Variants in FYB2 observed in about 807,000 individuals in gnomAD.
The protein encoded by FYB2 is FYN-binding protein 2.
FYB2 carries 103 observed loss-of-function variants against 94.1 expected under a neutral mutation model. That is an observed-to-expected ratio of 1.09 (90% CI 0.93 to 1.29). FYB2 has a LOEUF of 1.29. Among genes scored for constraint, FYB2 ranks in the 50% most tolerant of loss-of-function variants. The pLI is 0.00. For missense variants in FYB2, 896 were observed against 841.5 expected (o/e 1.06, Z -0.80); for synonymous variants, 293 against 287.9 (o/e 1.02, Z -0.18).
rs759702067 is a variant in FYB2, at chr1:56,724,646, A to G, written c.1881-965T>C. ...GCTTAAAACCTTTCAATTTCTCTCT[A>G]TTGCCAATAGGATAAAGTCTAAATT... On this transcript the variant is annotated intron_variant, in intron 16 of 19. Transcript: ENST00000343433. 9.9e-5 allele frequency among the ~76,000 whole-genome samples: 15 copies of G among 152,076 alleles called. No individual in the cohort carries two copies. In the South Asian group the frequency reaches 1.7e-3, roughly 17 times the overall value.
At chr1:56,819,638 A>AT, upstream of FYB2, 1 of 450,550 alleles carries the variant, frequency 2.2e-6, no homozygotes, top group Non-Finnish European at 4.1e-6. Context: ...TCTCCAGGGC[A>AT]TTTGTGCCCA....
At chr1:56,768,043 T>C in intron 4 of FYB2, 105 bp from the exon 5 acceptor site, 1 of 800,936 alleles carries the variant, frequency 1.2e-6, no homozygotes, top group South Asian at 1.8e-5. Context: ...GTCTGGCCAA[T>C]ATGGTGACCT....
intron 1 of FYB2, among the ~76,000 whole-genome samples, chr1:56,795,502 G>A (rs138943395): frequency 2.8e-4 from 43 of 152,248 alleles, no homozygotes; most frequent in Admixed American, 5.2e-4. Flanking sequence ...TCCCAGAAGT[G>A]AAATTGCTGG....
chr1:56,743,526 G>A (rs1645003095), intron 11 of FYB2, among the ~76,000 whole-genome samples: 1 of 151,950 alleles, frequency 6.6e-6, no homozygotes, highest in African/African-American at 2.4e-5. Context: ...CGGAAAGGGA[G>A]GGAAAAGCAT....
Position 56,719,495 on chromosome 1 carries a change from A to T in FYB2, c.*176T>A. The T allele has an allele frequency of 1.8e-6, 1 of 566,838 alleles. No individual in the cohort carries two copies. The highest frequency in any genetic ancestry group is 3.0e-6 in the Non-Finnish European group (1 of 327,950). The allele number at this position is 566,838 out of a possible 1,614,324, so 35.1% of individuals were successfully genotyped here. On this transcript the variant is annotated 3_prime_UTR_variant, in exon 20 of 20. Coordinates refer to ENST00000343433, the MANE Select transcript of FYB2 (RefSeq NM_001004303.5). ...AGATAACCTTTTAGGAGTAAAACCAACATCTAAATGTTGAGGATTTGTTTT... is the reference window on the plus strand; with the variant it reads ...AGATAACCTTTTAGGAGTAAAACCATCATCTAAATGTTGAGGATTTGTTTT...
chr1:56,789,047 G>A lies in FYB2; in HGVS notation c.845C>T (p.Pro282Leu). ...GAGGTTCACGATGGGAGGTCTTGAA[G>A]GCTTTGGGGGAGGAGGACCCAGGGA... ...IDSLGPPPPK[P>L]SRPPIVNLQA... Residue 282 changes from proline to leucine, a missense_variant, in exon 3 of 20, where the codon CCT becomes CTT. Transcript: ENST00000343433. 6.2e-7 allele frequency: 1 copy of A among 1,614,102 alleles called. No individual in the cohort carries two copies. The highest frequency in any genetic ancestry group is 8.5e-7 in the Non-Finnish European group (1 of 1,179,968).
Position 56,719,902 on chromosome 1 carries a change from A to C in FYB2, c.2165+120T>G. The C allele has an allele frequency of 2.7e-6, 3 of 1,127,560 alleles. No homozygotes were observed. In the East Asian group the frequency reaches 7.5e-5, roughly 28 times the overall value. 69.8% of individuals were successfully genotyped at this position (1,127,560 alleles called of 1,614,324 possible). On this transcript the variant is annotated intron_variant, in intron 19 of 19. Coordinates refer to ENST00000343433, the MANE Select transcript of FYB2 (RefSeq NM_001004303.5). ...TAATCCTTATAGAATAGGGCACTGC[A>C]TGTCTAATTTTTAAAACTTATCCTG... is the stretch of plus-strand genomic sequence containing the variant.
At chr1:56,738,103 T>A (rs1644870613) in intron 14 of FYB2, among the ~76,000 whole-genome samples, 1 of 152,132 alleles carries the variant, frequency 6.6e-6, no homozygotes, top group Non-Finnish European at 1.5e-5. Context: ...ATTGACAGCC[T>A]ACTATGTGTC....
intron 5 of FYB2, 69 bp downstream of exon 5, chr1:56,767,760 G>T: frequency 8.2e-7 from 1 of 1,214,530 alleles, no homozygotes; most frequent in Non-Finnish European, 1.2e-6. Context: ...TAGCTAAAGG[G>T]AAAATATCAT....
Position 56,792,244 on chromosome 1 carries a change from C to T in FYB2, c.569G>A (p.Gly190Glu), listed in dbSNP as rs1321251035. Reference sequence around the variant, plus strand: ...CTTCTGGGAAGGAAGAGTCTGGGCTCCTTTTGTTTCCAGCTTTTTCCTGGG... The same window carrying T: ...CTTCTGGGAAGGAAGAGTCTGGGCTTCTTTTGTTTCCAGCTTTTTCCTGGG... ...EEPRKKLETK[G>E]AQTLPSQKHV... Residue 190 changes from glycine (G) to glutamate (E), a missense_variant, in exon 2 of 20, where the codon GGA becomes GAA. Transcript: ENST00000343433. 2.5e-6 allele frequency: 4 copies of T among 1,612,302 alleles called. No homozygotes were observed. The highest frequency in any genetic ancestry group is 1.6e-4 in the Middle Eastern group (1 of 6,066).
chr1:56,727,416 G>A (rs753562861), intron 15 of FYB2, among the ~76,000 whole-genome samples: 19 of 151,856 alleles, frequency 1.3e-4, no homozygotes, highest in Non-Finnish European at 2.4e-4. Flanking sequence ...TTATTTGTAA[G>A]GGCCCCAAAT....
intron 2 of FYB2, among the ~76,000 whole-genome samples, chr1:56,790,660 T>A (rs1020790491): frequency 6.6e-6 from 1 of 152,208 alleles, no homozygotes; most frequent in Non-Finnish European, 1.5e-5. Context: ...CAAGAACATG[T>A]ATATTCCTAC....
In FYB2 at chr1:56,719,587, TA is replaced by T; in HGVS notation, c.*83del. 8.0e-7 allele frequency: 1 copy of T among 1,251,702 alleles called. No homozygotes were observed. Among genetic ancestry groups the T allele is most frequent in the Non-Finnish European group, 1.1e-6 (1 of 904,614 alleles). 77.5% of individuals were successfully genotyped at this position (1,251,702 alleles called of 1,614,324 possible). ...TCCACCATCTCAAAATTTTGACATG[TA>T]AACTGAAACTGATGTAACGCAGGAC... On this transcript the variant is annotated 3_prime_UTR_variant, in exon 20 of 20. Transcript: ENST00000343433.
chr1:56,784,761 A>G (rs1326174756), intron 4 of FYB2, among the ~76,000 whole-genome samples: 1 of 152,084 alleles, frequency 6.6e-6, no homozygotes, highest in East Asian at 1.9e-4. Flanking sequence ...CTGTTTGTCC[A>G]TCTGTCCATT....
At chr1:56,745,244 A>G (rs1399076317) in intron 9 of FYB2, among the ~76,000 whole-genome samples, 2 of 152,032 alleles carry the variant, frequency 1.3e-5, no homozygotes, top group Non-Finnish European at 2.9e-5. Flanking sequence ...TTATGCCTTC[A>G]TTTTAAAAAC....
chr1:56,753,426 G>A (rs1206662923), intron 8 of FYB2, among the ~76,000 whole-genome samples: 1 of 152,046 alleles, frequency 6.6e-6, no homozygotes, highest in Admixed American at 6.6e-5. Context: ...ATGGTAATTG[G>A]GTAGGAATCA....
chr1:56,790,703 T>C (rs1646240985), intron 2 of FYB2, among the ~76,000 whole-genome samples: 1 of 152,170 alleles, frequency 6.6e-6, no homozygotes, highest in Non-Finnish European at 1.5e-5. Context: ...AACAAGAGAC[T>C]GATGATAAAC....
chr1:56,823,532 A>C (rs1012159779), upstream of FYB2: 1 of 152,324 alleles, frequency 6.6e-6, no homozygotes, highest in Admixed American at 6.5e-5. Flanking sequence ...TTTGAAAAAC[A>C]TTTAATCCAG....
intron 4 of FYB2, among the ~76,000 whole-genome samples, chr1:56,770,057 G>A (rs568449155): frequency 6.6e-6 from 1 of 152,078 alleles, no homozygotes; most frequent in Non-Finnish European, 1.5e-5. Context: ...ACACACGAAT[G>A]CGTATACACC....
Sources: gnomAD v4.1 joint callset for allele counts (sites outside exome capture counted in the v4.1 genomes callset) on GRCh38, gnomAD v4.1.1 for gene constraint, MANE v1.5 for transcripts, NCBI Gene and HGNC (gene_info 2026-07-23, HGNC 2026-07-21) for gene names.